Variants in FANCC observed in about 807,000 individuals in gnomAD.
FANCC encodes FA complementation group C.
A neutral mutation model predicts 71.3 loss-of-function variants in FANCC; 55 were observed. The ratio of observed to expected loss-of-function variants is 0.77; its 90% CI spans 0.62 to 0.97. The LOEUF is 0.97. Ranked by LOEUF, FANCC falls within the 50% of genes least tolerant of loss-of-function variation. The probability of loss-of-function intolerance (pLI) is 0.00; values close to 1 mark genes in which losing one functional copy is unlikely to be tolerated. For synonymous variants in FANCC, 275 were observed against 244.9 expected, an observed-to-expected ratio of 1.12 and a Z score of -1.15; for missense variants, 678 against 670.9, an observed-to-expected ratio of 1.01 and a Z score of -0.12.
chr9:95,259,854 AC>A (rs775282923), intron 1 of FANCC, among the ~76,000 whole-genome samples: 2 of 152,208 alleles, frequency 1.3e-5, no homozygotes, highest in Non-Finnish European at 2.9e-5. Flanking sequence ...CGAGAAAAAA[AC>A]AACCCCATCA....
At chr9:95,161,430 C>T (rs1588203945) in intron 6 of FANCC, among the ~76,000 whole-genome samples, 1 of 152,202 alleles carries the variant, frequency 6.6e-6, no homozygotes, top group Admixed American at 6.5e-5. Flanking sequence ...CTACAGTAAA[C>T]AGAGCACTCA....
chr9:95,233,996 C>A (rs1830153163), intron 4 of FANCC, among the ~76,000 whole-genome samples: 1 of 152,152 alleles, frequency 6.6e-6, no homozygotes, highest in African/African-American at 2.4e-5. Flanking sequence ...GCATTATGGT[C>A]TCCATGTGAC....
At chr9:95,289,483 G>A (rs916047974) in intron 1 of FANCC, among the ~76,000 whole-genome samples, 2 of 152,072 alleles carry the variant, frequency 1.3e-5, no homozygotes, top group African/African-American at 2.4e-5. Context: ...TGTATTTCAC[G>A]GGGGGATAAT....
At chr9:95,305,064 A>T (rs887446223) in intron 1 of FANCC, among the ~76,000 whole-genome samples, 1 of 152,154 alleles carries the variant, frequency 6.6e-6, no homozygotes, top group Non-Finnish European at 1.5e-5. Flanking sequence ...GATCGCTTAC[A>T]AACAGTCACT....
intron 1 of FANCC, chr9:95,292,354 CGGT>C (rs1834080399): frequency 1.1e-6 from 1 of 943,258 alleles, no homozygotes; most frequent in Non-Finnish European, 1.3e-6. Context: ...GCCTCGGAGG[CGGT>C]GGCGGCGGCG....
In FANCC at chr9:95,101,675, C is replaced by T. The variant is rs2071079267; in HGVS notation, c.*32G>A. 1 of 1,612,274 alleles carries T rather than the reference C, an allele frequency of 6.2e-7. No individual in the cohort carries two copies. The highest frequency in any genetic ancestry group is 1.3e-5 in the African/African-American group (1 of 74,912). On this transcript the variant is annotated 3_prime_UTR_variant, in exon 15 of 15. Coordinates refer to ENST00000289081, the MANE Select transcript of FANCC (RefSeq NM_000136.3). Reference sequence around the variant, plus strand: ...TGTGGCCCTGGCGAGCCTGATCCCTCACGCCGGGCACCCACACGGCCTGCG... The same window carrying T: ...TGTGGCCCTGGCGAGCCTGATCCCTTACGCCGGGCACCCACACGGCCTGCG...
chr9:95,148,127 C>A (rs1205730784), intron 7 of FANCC, among the ~76,000 whole-genome samples: 1 of 152,186 alleles, frequency 6.6e-6, no homozygotes, highest in Non-Finnish European at 1.5e-5. Flanking sequence ...AGTCGAAACA[C>A]TGCATTTTCA....
intron 4 of FANCC, among the ~76,000 whole-genome samples, chr9:95,173,324 C>T (rs1202469716): frequency 2.0e-5 from 3 of 152,114 alleles, no homozygotes; most frequent in Non-Finnish European, 4.4e-5. Context: ...CATCATGAAG[C>T]TTGGACTTCC....
intron 7 of FANCC, among the ~76,000 whole-genome samples, chr9:95,147,873 T>C (rs1200582987): frequency 6.6e-6 from 1 of 152,232 alleles, no homozygotes; most frequent in East Asian, 1.9e-4. Context: ...TGCTTGTACT[T>C]GTCTGGTATC....
At chr9:95,140,036 A>T (rs1475310789) in intron 7 of FANCC, among the ~76,000 whole-genome samples, 1 of 152,022 alleles carries the variant, frequency 6.6e-6, no homozygotes, top group Non-Finnish European at 1.5e-5. Flanking sequence ...GACCAAAATC[A>T]TGAATTCAAG....
chr9:95,137,801 C>T (rs932296395), intron 7 of FANCC, among the ~76,000 whole-genome samples: 4 of 152,272 alleles, frequency 2.6e-5, no homozygotes, highest in Admixed American at 6.5e-5. Flanking sequence ...TGGCAGGAGG[C>T]ACAGAAGCAG....
chr9:95,308,871 T>C (rs1835219005), intron 1 of FANCC, among the ~76,000 whole-genome samples: 1 of 152,144 alleles, frequency 6.6e-6, no homozygotes, highest in South Asian at 2.1e-4. Context: ...AGGCACAGTG[T>C]CTGCCTCATG....
intron 1 of FANCC, chr9:95,294,464 A>C (rs182247823): frequency 9.4e-6 from 15 of 1,600,498 alleles, no homozygotes; most frequent in Non-Finnish European, 8.6e-7. Context: ...ACAGACTTAA[A>C]CTTTTTCTTA....
intron 1 of FANCC, among the ~76,000 whole-genome samples, chr9:95,297,535 C>G (rs1834457541): frequency 6.6e-6 from 1 of 152,156 alleles, no homozygotes; most frequent in Non-Finnish European, 1.5e-5. Flanking sequence ...AATGCTGACT[C>G]TTGTTACCTC....
rs191778165 is a variant in FANCC at position 95,265,374 on chromosome 9, T to C, written c.-78-16005A>G. Reference sequence around the variant, plus strand: ...ATTCTCCCACCCAAGACCTCAGCAATGGGGGGAGAGGAGCTATTCTCTGGA... The same window carrying C: ...ATTCTCCCACCCAAGACCTCAGCAACGGGGGGAGAGGAGCTATTCTCTGGA... On this transcript the variant is annotated intron_variant, in intron 1 of 14. Coordinates refer to ENST00000289081, the MANE Select transcript of FANCC (RefSeq NM_000136.3). 5.8e-3 allele frequency among the ~76,000 whole-genome samples: 890 copies of C among 152,194 alleles called. 2 individuals are homozygous for C. Among genetic ancestry groups the C allele is most frequent in the Non-Finnish European group, 9.1e-3 (619 of 67,990 alleles).
chr9:95,200,427 G>A (rs1042481513), intron 4 of FANCC, among the ~76,000 whole-genome samples: 32 of 152,324 alleles, frequency 2.1e-4, no homozygotes, highest in African/African-American at 6.7e-4. Flanking sequence ...CAATAAGTGT[G>A]TGTTATAAAC....
chr9:95,286,011 T>C (rs1170236211), intron 1 of FANCC, among the ~76,000 whole-genome samples: 1 of 152,220 alleles, frequency 6.6e-6, no homozygotes, highest in African/African-American at 2.4e-5. Context: ...ATTAGTCTAA[T>C]TTCAGAAAAA....
At chr9:95,237,230 C>T (rs1462416675) in intron 4 of FANCC, among the ~76,000 whole-genome samples, 2 of 152,204 alleles carry the variant, frequency 1.3e-5, no homozygotes, top group Admixed American at 6.5e-5. Flanking sequence ...CTGTTCCCTA[C>T]CCACATATTC....
chr9:95,121,751 A>G (rs1313480271), intron 10 of FANCC, among the ~76,000 whole-genome samples: 3 of 152,206 alleles, frequency 2.0e-5, no homozygotes, highest in Non-Finnish European at 4.4e-5. Context: ...TGTTTGTTTT[A>G]TATAGTGCAA....
Sources: allele counts gnomAD v4.1 joint callset (sites outside exome capture counted in the v4.1 genomes callset), GRCh38; gene constraint gnomAD v4.1.1; transcripts MANE v1.5; gene names NCBI Gene and HGNC (gene_info 2026-07-23, HGNC 2026-07-21).